Variants in RORA observed in about 807,000 individuals in gnomAD.
RORA encodes the protein nuclear receptor ROR-alpha.
A neutral mutation model predicts 69.5 loss-of-function variants in RORA; 7 were observed. That is an observed-to-expected ratio of 0.10 (90% CI 0.06 to 0.19). The LOEUF (loss-of-function observed/expected upper bound fraction) is 0.19, where lower values mean the gene tolerates loss of function less well. Among genes scored for constraint, RORA ranks in the 10% least tolerant of loss-of-function variants. RORA has a pLI of 1.00. For missense variants in RORA, 457 were observed against 663.0 expected (o/e 0.69, Z 3.41); for synonymous variants, 261 against 240.8 (o/e 1.08, Z -0.78).
At chr15:61,069,537 G>T (rs2078310578) in intron 1 of RORA, among the ~76,000 whole-genome samples, 1 of 152,178 alleles carries the variant, frequency 6.6e-6, no homozygotes, top group Admixed American at 6.5e-5. Context: ...GAATTGTTCA[G>T]CTGTGTCAAC....
At chr15:60,868,242 T>G (rs1595778445) in intron 1 of RORA, among the ~76,000 whole-genome samples, 2 of 152,294 alleles carry the variant, frequency 1.3e-5, no homozygotes, top group Non-Finnish European at 2.9e-5. Flanking sequence ...ATGGTCCCTG[T>G]CACTGGAGGT....
intron 1 of RORA, among the ~76,000 whole-genome samples, chr15:60,942,590 T>C (rs1892733888): frequency 6.6e-6 from 1 of 152,260 alleles, no homozygotes; most frequent in South Asian, 2.1e-4. Context: ...AATCAGTTTA[T>C]AAGATTATCA....
chr15:60,733,914 CAGAGAG>C (rs58672002), intron 1 of RORA, among the ~76,000 whole-genome samples: 2,550 of 101,460 alleles, frequency 0.025, 80 homozygotes, highest in African/African-American at 0.073. Flanking sequence ...AGAATAGGGG[CAGAGAG>C]AGAGAGAGAG....
intron 1 of RORA, among the ~76,000 whole-genome samples, chr15:60,895,071 T>C (rs1020042421): frequency 2.0e-5 from 3 of 152,098 alleles, no homozygotes; most frequent in Non-Finnish European, 4.4e-5. Flanking sequence ...CCTCAAGCAG[T>C]TGAAAATGTC....
intron 1 of RORA, among the ~76,000 whole-genome samples, chr15:60,768,003 G>A (rs145281497): frequency 1.1e-4 from 17 of 152,318 alleles, no homozygotes; most frequent in African/African-American, 3.8e-4. Context: ...ACTACTCCAT[G>A]CAGGGTGGCC....
At chr15:61,212,230 G>A (rs2140938101) in intron 1 of RORA, among the ~76,000 whole-genome samples, 1 of 143,130 alleles carries the variant, frequency 7.0e-6, no homozygotes, top group Non-Finnish European at 1.5e-5. Flanking sequence ...TGCTGTCTGT[G>A]TAGAAAGGGT....
chr15:61,055,003 A>AT (rs1233878206), intron 1 of RORA, among the ~76,000 whole-genome samples: 14 of 151,684 alleles, frequency 9.2e-5, no homozygotes, highest in African/African-American at 2.9e-4. Flanking sequence ...CGTCTGGCTA[A>AT]TTTTTGTATT....
intron 1 of RORA, among the ~76,000 whole-genome samples, chr15:61,159,864 A>T (rs1237584616): frequency 6.6e-6 from 1 of 152,212 alleles, no homozygotes; most frequent in African/African-American, 2.4e-5. Flanking sequence ...AACTAGAAAT[A>T]TGTATGTGTA....
intron 5 of RORA, among the ~76,000 whole-genome samples, chr15:60,506,725 G>T (rs564412830): frequency 6.6e-6 from 1 of 152,054 alleles, no homozygotes; most frequent in Non-Finnish European, 1.5e-5. Context: ...GGTGTTGGCT[G>T]TCTGTGATCC....
Position 60,492,342 on chromosome 15 carries a change from G to A in RORA, c.*5113C>T, listed in dbSNP as rs1035721364. 2.6e-5 allele frequency: 4 copies of A among 152,106 alleles called. No homozygotes were observed. The highest frequency in any genetic ancestry group is 5.9e-5 in the Non-Finnish European group (4 of 68,006). The allele number at this position is 152,106 out of a possible 1,614,324, so 9.4% of individuals were successfully genotyped here. A position where few individuals can be genotyped will look rare whatever the true frequency, so the allele number is the denominator to read the frequency against. ...AACATGTAACACTAAATGTTGGCTC[G>A]AGTTGCTGCTGTCATACAGGCAGGT... On this transcript the variant is annotated 3_prime_UTR_variant, in exon 11 of 11. Transcript: ENST00000335670.
chr15:60,974,294 T>C (rs535048524), intron 1 of RORA, among the ~76,000 whole-genome samples: 108 of 152,336 alleles, frequency 7.1e-4, no homozygotes, highest in African/African-American at 1.9e-3. Context: ...ATAGGAAATA[T>C]GAAGACTGTG....
At chr15:60,769,950 C>A (rs1567184389) in intron 1 of RORA, among the ~76,000 whole-genome samples, 1 of 152,226 alleles carries the variant, frequency 6.6e-6, no homozygotes, top group Non-Finnish European at 1.5e-5. Flanking sequence ...GAACTCACAG[C>A]TGAAGCATTA....
chr15:61,209,350 T>G (rs1251314460), intron 1 of RORA, among the ~76,000 whole-genome samples: 1 of 152,088 alleles, frequency 6.6e-6, no homozygotes, highest in Non-Finnish European at 1.5e-5. Context: ...CTACTGTGAT[T>G]TCAAACAGTA....
At chr15:60,852,625 T>C (rs1373758139) in intron 1 of RORA, among the ~76,000 whole-genome samples, 4 of 152,212 alleles carry the variant, frequency 2.6e-5, no homozygotes, top group Admixed American at 2.6e-4. Context: ...CCTGGGAATA[T>C]TTTATAGTTA....
Position 60,898,486 on chromosome 15 carries a change from A to G in RORA, c.167-219800T>C, listed in dbSNP as rs897963481. On this transcript the variant is annotated intron_variant, in intron 1 of 10. Transcript: ENST00000335670. ...TGAGAATAGCCTAGGCAACACAGTGAGACATTGTCTCTAAAAATAAATAAA... is the reference window on the plus strand; with the variant it reads ...TGAGAATAGCCTAGGCAACACAGTGGGACATTGTCTCTAAAAATAAATAAA... Among the ~76,000 whole-genome samples the G allele has an allele frequency of 5.3e-5, 8 of 149,672 alleles. No homozygotes were observed. The East Asian group carries it at 1.6e-3, about 29-fold the overall frequency.
chr15:60,878,624 T>A (rs2140444214), intron 1 of RORA, among the ~76,000 whole-genome samples: 1 of 152,378 alleles, frequency 6.6e-6, no homozygotes, highest in African/African-American at 2.4e-5. Context: ...GCTCTGCTCC[T>A]CTGCTAGTAC....
chr15:60,511,963 C>T lies in RORA; in HGVS notation c.425-342G>A, dbSNP rs115736015. ...TTAATGGGCTTGTTCACTCTCCCCCCGTGCAGCTGGCTTAGGCTACCTCTT... is the reference window on the plus strand; with the variant it reads ...TTAATGGGCTTGTTCACTCTCCCCCTGTGCAGCTGGCTTAGGCTACCTCTT... On this transcript the variant is annotated intron_variant, in intron 4 of 10. Coordinates refer to ENST00000335670, the MANE Select transcript of RORA (RefSeq NM_134261.3). This position sits in a 1 kb window ranked among gnomAD's most constrained non-coding sequence, Gnocchi z 6.4. The T allele has an allele frequency of 5.9e-3, 1,393 of 237,976 alleles. 18 individuals carry two copies. Among genetic ancestry groups the T allele is most frequent in the African/African-American group, 0.029 (1,253 of 43,688 alleles). 14.7% of individuals were successfully genotyped at this position (237,976 alleles called of 1,614,324 possible).
intron 1 of RORA, among the ~76,000 whole-genome samples, chr15:60,862,862 A>G (rs2073448128): frequency 6.6e-6 from 1 of 152,228 alleles, no homozygotes; most frequent in South Asian, 2.1e-4. Context: ...TAGCTGGGAC[A>G]GAGATCTTAA....
chr15:61,115,183 C>T (rs62007560), intron 1 of RORA, among the ~76,000 whole-genome samples: 1 of 152,052 alleles, frequency 6.6e-6, no homozygotes, highest in Non-Finnish European at 1.5e-5. Context: ...TCTTTCATAT[C>T]TCCAGAGTCC....
Sources: allele counts gnomAD v4.1 joint callset (sites outside exome capture counted in the v4.1 genomes callset), GRCh38; gene constraint gnomAD v4.1.1; non-coding constraint Gnocchi (gnomAD v3.1); transcripts MANE v1.5; gene names NCBI Gene and HGNC (gene_info 2026-07-23, HGNC 2026-07-21).